FAM217A: variants seen among roughly 807,000 people sequenced by gnomAD.
FAM217A encodes the protein protein FAM217A.
Under a neutral mutation model 18.5 loss-of-function variants are expected in FAM217A, and 13 were observed. That is an observed-to-expected ratio of 0.70 (90% CI 0.46 to 1.12). The LOEUF is 1.12. Ranked by LOEUF, FAM217A falls within the 50% of genes most tolerant of loss-of-function variation. The pLI is 0.00. For missense variants in FAM217A, 560 were observed against 575.4 expected, an observed-to-expected ratio of 0.97 and a Z score of 0.27; for synonymous variants, 161 against 202.8, an observed-to-expected ratio of 0.79 and a Z score of 1.75.
chr6:4,068,374 T>C lies in FAM217A; in HGVS notation c.*322A>G. The C allele has an allele frequency of 4.8e-6, 1 of 207,596 alleles. No homozygotes were observed. Among genetic ancestry groups the C allele is most frequent in the Non-Finnish European group, 9.6e-6 (1 of 104,590 alleles). 12.9% of individuals were successfully genotyped at this position (207,596 alleles called of 1,614,324 possible). Reference sequence around the variant, plus strand: ...AACTACAGCTGCAATAAGTCAATTATACCATTTATTGATGGAATTATACTG... The same window carrying C: ...AACTACAGCTGCAATAAGTCAATTACACCATTTATTGATGGAATTATACTG... On this transcript the variant is annotated 3_prime_UTR_variant, in exon 7 of 7. Coordinates refer to ENST00000274673, the MANE Select transcript of FAM217A (RefSeq NM_173563.3).
Position 4,085,311 on chromosome 6 carries a change from A to AAAAATAT in FAM217A, c.19-502_19-501insATATTTT, listed in dbSNP as rs377046907. Among the ~76,000 whole-genome samples the AAAAATAT allele has an allele frequency of 7.9e-3, 1,153 of 146,406 alleles. 7 individuals are homozygous for AAAAATAT. Among genetic ancestry groups the AAAAATAT allele is most frequent in the Non-Finnish European group, 9.3e-3 (621 of 66,736 alleles). Reference sequence around the variant, plus strand: ...AGAAGTGTTATTCATTGTAAAAAAAAATATATATATATATATAAAATATGT... The same window carrying AAAAATAT: ...AGAAGTGTTATTCATTGTAAAAAAAAAAAATATATATATATATATATATAAAATATGT... On this transcript the variant is annotated intron_variant, in intron 1 of 8. Coordinates refer to the FAM217A transcript ENST00000639338.
At chr6:4,079,624 C>G (rs589494), upstream of FAM217A, 265,578 of 1,286,566 alleles carry the variant, frequency 0.21, 31,158 homozygotes, top group African/African-American at 0.48. Flanking sequence ...GCCCGGCCCA[C>G]CCGCCTCCAC....
chr6:4,079,136 C>T lies in FAM217A; in HGVS notation c.-319G>A. 2.9e-6 allele frequency: 1 copy of T among 341,420 alleles called. No individual in the cohort carries two copies. Among genetic ancestry groups the T allele is most frequent in the African/African-American group, 2.2e-5 (1 of 46,036 alleles). 21.1% of individuals were successfully genotyped at this position (341,420 alleles called of 1,614,324 possible). On this transcript the variant is annotated 5_prime_UTR_variant, in exon 1 of 7. The change creates a new upstream start codon in the 5' untranslated region. Coordinates refer to ENST00000274673, the MANE Select transcript of FAM217A (RefSeq NM_173563.3). ...GGCTGCGGCTCCGCGGGCTTCCCCA[C>T]CGGCCGGGTCTCCCGGCAACTACCA...
At chr6:4,079,524 C>A, upstream of FAM217A, 1 of 997,414 alleles carries the variant, frequency 1.0e-6, no homozygotes, top group African/African-American at 1.7e-5. Context: ...TTGACCCTCC[C>A]CAGGCCTTCC....
chr6:4,073,599 G>T, intron 4 of FAM217A, 92 bp from the exon 5 acceptor site: 2 of 1,014,404 alleles, frequency 2.0e-6, no homozygotes, highest in Non-Finnish European at 2.9e-6. Flanking sequence ...ATCAAGGAAT[G>T]TATGGTAAAA....
At position 4,068,813 on chromosome 6, in the gene FAM217A, C is replaced by G; in HGVS notation, c.1410G>C (p.Lys470Asn). Residue 470 changes from lysine to asparagine, a missense_variant, in exon 7 of 7, where the codon AAG (lysine) becomes AAC (asparagine). Lys to Asn is a moderately conservative substitution (Grantham distance 94). Coordinates refer to ENST00000274673, the MANE Select transcript of FAM217A (RefSeq NM_173563.3). Reference sequence around the variant, plus strand: ...ACACTATATTTTGTCGGTAAAGTTTCTTTTTGGTCCCAAAGTTTCTCTTCG... The same window carrying G: ...ACACTATATTTTGTCGGTAAAGTTTGTTTTTGGTCCCAAAGTTTCTCTTCG... Reference protein sequence around the residue: ...KAPKRNFGTKKKLYRQNIVLN... With the variant: ...KAPKRNFGTKNKLYRQNIVLN... 2 of 1,614,106 alleles carry G rather than the reference C, an allele frequency of 1.2e-6. No homozygotes were observed. The highest frequency in any genetic ancestry group is 1.7e-6 in the Non-Finnish European group (2 of 1,179,994).
chr6:4,087,009 C>A lies in FAM217A; in HGVS notation c.18+1G>T. 2.5e-6 allele frequency: 1 copy of A among 399,058 alleles called. No individual in the cohort carries two copies. The highest frequency in any genetic ancestry group is 4.4e-6 in the Non-Finnish European group (1 of 226,110). The allele number at this position is 399,058 out of a possible 1,614,324, so 24.7% of individuals were successfully genotyped here. On this transcript the variant is annotated splice_donor_variant, in intron 1 of 8. Transcript: ENST00000639338. LOFTEE classifies it high-confidence loss of function. The stretch of plus-strand genomic sequence containing the variant: ...AAGGAGTAACTAGTTTGGCTTCTTA[C>A]CTGTGTTAATCTGGGCATTTCCTCA...
At chr6:4,075,701 G>T (rs1581885597) in intron 2 of FAM217A, among the ~76,000 whole-genome samples, 1 of 152,094 alleles carries the variant, frequency 6.6e-6, no homozygotes, top group Non-Finnish European at 1.5e-5. Flanking sequence ...TCTCAAAAAA[G>T]CATTGTAAAT....
At chr6:4,086,524 T>C (rs965710949) in intron 1 of FAM217A, among the ~76,000 whole-genome samples, 35 of 152,002 alleles carry the variant, frequency 2.3e-4, no homozygotes, top group Admixed American at 5.9e-4. Context: ...TCTGCCACTC[T>C]GGCCACTAAT....
intron 1 of FAM217A, among the ~76,000 whole-genome samples, chr6:4,086,643 A>G (rs1770684829): frequency 6.6e-6 from 1 of 152,044 alleles, no homozygotes; most frequent in South Asian, 2.1e-4. Flanking sequence ...CTAGGCTCAC[A>G]CGCCTTCTCT....
upstream of FAM217A, among the ~76,000 whole-genome samples, chr6:4,082,875 C>T (rs750689126): frequency 5.3e-5 from 8 of 152,198 alleles, no homozygotes; most frequent in Non-Finnish European, 8.8e-5. Flanking sequence ...TACTTGAGTA[C>T]TTCTCCTGTC....
chr6:4,085,327 T>TATATATATATAA (rs1333779215), intron 1 of FAM217A, among the ~76,000 whole-genome samples: 1 of 148,592 alleles, frequency 6.7e-6, no homozygotes, highest in East Asian at 1.9e-4. Flanking sequence ...TATATATATA[T>TATATATATATAA]AAAATATGTA....
chr6:4,085,671 C>A (rs986047241), intron 1 of FAM217A, among the ~76,000 whole-genome samples: 1 of 152,146 alleles, frequency 6.6e-6, no homozygotes, highest in African/African-American at 2.4e-5. Context: ...ACCCCCTTCT[C>A]CCCACCAAAA....
chr6:4,069,238 T>C lies in FAM217A; in HGVS notation c.985A>G (p.Lys329Glu). ...ERPSSSKATP[K>E]VRQPKLCDSL... ...TCGCAAAGTTTTGGCTGTCTCACTT[T>C]TGGTGTAGCTTTGGAGGAAGAGGGT... The change falls in exon 7 of 7, where the codon AAA becomes GAA. Residue 329 changes from lysine (K) to glutamate (E), a missense_variant. Lys to Glu is a moderately conservative substitution (Grantham distance 56, BLOSUM62 1). Transcript: ENST00000274673. 1 of 1,614,194 alleles carries C rather than the reference T, an allele frequency of 6.2e-7. No homozygotes were observed. Among genetic ancestry groups the C allele is most frequent in the Non-Finnish European group, 8.5e-7 (1 of 1,180,030 alleles).
Position 4,073,228 on chromosome 6 carries a change from A to C in FAM217A, c.302+47T>G, listed in dbSNP as rs746146585. The C allele has an allele frequency of 6.5e-6, 9 of 1,388,022 alleles. No individual in the cohort carries two copies. In the African/African-American group the frequency reaches 8.7e-5, roughly 13 times the overall value. The allele number at this position is 1,388,022 out of a possible 1,614,324, so 86.0% of individuals were successfully genotyped here. On this transcript the variant is annotated intron_variant, in intron 6 of 6. Coordinates refer to ENST00000274673, the MANE Select transcript of FAM217A (RefSeq NM_173563.3). The stretch of plus-strand genomic sequence containing the variant: ...CAAATAGTTATCTCATGTGTATCTA[A>C]ATTTATTTCAGTAATTTAGGGTGTT...
rs1769244906 is a variant in FAM217A at position 4,069,420 on chromosome 6, T to G, written c.803A>C (p.Lys268Thr). Residue 268 changes from lysine to threonine, a missense_variant, in exon 7 of 7, where the codon AAA becomes ACA. Transcript: ENST00000274673. ...ALDLHNLALS[K>T]SDNWKVTVDP... ...CACTGTCACTTTCCAATTGTCAGATTTGGAGAGGGCTAAATTGTGCAAGTC... is the reference window on the plus strand; with the variant it reads ...CACTGTCACTTTCCAATTGTCAGATGTGGAGAGGGCTAAATTGTGCAAGTC... 1 of 1,614,146 alleles carries G rather than the reference T, an allele frequency of 6.2e-7. No individual in the cohort carries two copies. The highest frequency in any genetic ancestry group is 1.7e-4 in the Middle Eastern group (1 of 6,060).
upstream of FAM217A, chr6:4,079,403 C>T (rs559170119): frequency 1.3e-5 from 4 of 315,188 alleles, no homozygotes; most frequent in African/African-American, 2.3e-5. Context: ...GAAGGGGCCG[C>T]CCCCGGCCTC....
intron 1 of FAM217A, among the ~76,000 whole-genome samples, chr6:4,086,481 C>G (rs1184234735): frequency 1.4e-5 from 2 of 147,174 alleles, no homozygotes; most frequent in Non-Finnish European, 3.0e-5. Flanking sequence ...ATCCATCTAT[C>G]TATATATATG....
chr6:4,081,638 A>G (rs943347196), upstream of FAM217A, among the ~76,000 whole-genome samples: 10 of 152,208 alleles, frequency 6.6e-5, no homozygotes, highest in African/African-American at 2.4e-4. Flanking sequence ...ATAATTGAGT[A>G]ACCTGAGCCT....
Sources: gnomAD v4.1 joint callset for allele counts (sites outside exome capture counted in the v4.1 genomes callset) on GRCh38, gnomAD v4.1.1 for gene constraint, MANE v1.5 for transcripts, NCBI Gene and HGNC (gene_info 2026-07-23, HGNC 2026-07-21) for gene names.